Variants in EXT1 observed in about 807,000 individuals in gnomAD.
EXT1 encodes exostosin-1.
Under a neutral mutation model 82.5 loss-of-function variants are expected in EXT1, and 20 were observed. That is an observed-to-expected ratio of 0.24 (90% confidence interval 0.17 to 0.35). EXT1 has a LOEUF of 0.35. EXT1 is among the 10% of genes least tolerant of loss of function. EXT1 has a pLI of 1.00. For missense variants in EXT1, 757 were observed against 936.5 expected (o/e 0.81, Z 2.50); for synonymous variants, 348 against 350.8 (o/e 0.99, Z 0.09).
chr8:117,796,058 G>C lies in EXT1; in HGVS notation c.*3654C>G, dbSNP rs1002885711. 3.9e-5 allele frequency: 6 copies of C among 152,144 alleles called. No individual in the cohort carries two copies. Among genetic ancestry groups the C allele is most frequent in the African/African-American group, 1.4e-4 (6 of 41,432 alleles). 9.4% of individuals were successfully genotyped at this position (152,144 alleles called of 1,614,324 possible). A position where few individuals can be genotyped will look rare whatever the true frequency, so the allele number is the denominator to read the frequency against. On this transcript the variant is annotated 3_prime_UTR_variant, in exon 11 of 11. Coordinates refer to ENST00000378204, the MANE Select transcript of EXT1 (RefSeq NM_000127.3). ...CCATAGTCGCTGTAAAGGGGAACTA[G>C]GTAAATGAATTCAGCAACTGCGGTC...
chr8:118,065,523 G>A (rs915847068), intron 1 of EXT1, among the ~76,000 whole-genome samples: 5 of 152,240 alleles, frequency 3.3e-5, no homozygotes, highest in East Asian at 1.9e-4. Context: ...CTTCTTTTTC[G>A]TCTGGTTGCA....
intron 1 of EXT1, among the ~76,000 whole-genome samples, chr8:117,873,898 A>G (rs957814447): frequency 1.3e-5 from 2 of 152,272 alleles, no homozygotes; most frequent in Admixed American, 1.3e-4. Flanking sequence ...TTTGTTTAAA[A>G]TGCCAACAAA....
At chr8:117,859,712 A>G (rs1029138494) in intron 1 of EXT1, among the ~76,000 whole-genome samples, 1 of 152,244 alleles carries the variant, frequency 6.6e-6, no homozygotes, top group African/African-American at 2.4e-5. Flanking sequence ...TTTACTGAAC[A>G]TATATTTTGA....
At chr8:117,899,635 A>G (rs991018198) in intron 1 of EXT1, among the ~76,000 whole-genome samples, 2 of 152,240 alleles carry the variant, frequency 1.3e-5, no homozygotes, top group Admixed American at 6.5e-5. Flanking sequence ...CAACAGCTAC[A>G]TAAATCTATT....
rs1236776290 is a variant in EXT1 at position 117,807,237 on chromosome 8, T to C, written c.1863A>G (p.Thr621=). 6.2e-7 allele frequency: 1 copy of C among 1,614,098 alleles called. No individual in the cohort carries two copies. Among genetic ancestry groups the C allele is most frequent in the Non-Finnish European group, 8.5e-7 (1 of 1,180,032 alleles). The change falls in exon 9 of 11, where the codon ACA becomes ACG. Residue 621 remains threonine (T), a synonymous_variant. Coordinates refer to ENST00000378204, the MANE Select transcript of EXT1 (RefSeq NM_000127.3). ...KWTNDYSMVL[T]GAAIYHKYYH... is the part of the protein sequence containing the mutation. ...CTCACTTGTGGTAAATAGCAGCTCC[T>C]GTCAACACCATGGAGTAGTCGTTCG...
At chr8:117,976,267 C>T (rs1004685554) in intron 1 of EXT1, among the ~76,000 whole-genome samples, 26 of 152,176 alleles carry the variant, frequency 1.7e-4, no homozygotes, top group African/African-American at 5.6e-4. Flanking sequence ...TCCTTTGAGG[C>T]TATATAGCCA....
intron 1 of EXT1, among the ~76,000 whole-genome samples, chr8:117,893,417 T>C (rs1347150438): frequency 6.6e-6 from 1 of 152,162 alleles, no homozygotes; most frequent in Non-Finnish European, 1.5e-5. Flanking sequence ...GATAAACCTG[T>C]TCCATGCCAA....
intron 1 of EXT1, among the ~76,000 whole-genome samples, chr8:117,970,279 T>C (rs1003401201): frequency 6.6e-6 from 1 of 152,058 alleles, no homozygotes; most frequent in Admixed American, 6.5e-5. Flanking sequence ...ACCTAATTGG[T>C]TTGAGGCAGG....
intron 1 of EXT1, among the ~76,000 whole-genome samples, chr8:117,928,325 C>G (rs907690602): frequency 2.7e-4 from 41 of 152,174 alleles, no homozygotes; most frequent in African/African-American, 9.7e-4. Flanking sequence ...AGCCTATTAC[C>G]TTAAGTAGGC....
At chr8:117,924,929 C>G (rs561318473) in intron 1 of EXT1, among the ~76,000 whole-genome samples, 1 of 152,266 alleles carries the variant, frequency 6.6e-6, no homozygotes, top group South Asian at 2.1e-4. Context: ...GCCCCAAACC[C>G]TGCAACCTAT....
intron 1 of EXT1, among the ~76,000 whole-genome samples, chr8:118,005,931 C>G (rs1047846118): frequency 6.6e-6 from 1 of 152,202 alleles, no homozygotes. Context: ...ATCAAAGCAG[C>G]CATCTCTACT....
intron 4 of EXT1, among the ~76,000 whole-genome samples, chr8:117,828,401 T>C (rs935437171): frequency 2.0e-5 from 3 of 151,942 alleles, no homozygotes; most frequent in Middle Eastern, 3.4e-3. Flanking sequence ...AATGAAAAAT[T>C]AGCCAGGCAC....
At chr8:117,811,676 G>A (rs911275782) in intron 8 of EXT1, among the ~76,000 whole-genome samples, 1 of 151,536 alleles carries the variant, frequency 6.6e-6, no homozygotes, top group African/African-American at 2.4e-5. Context: ...GAGTGCAATG[G>A]TACGATGTCC....
intron 1 of EXT1, among the ~76,000 whole-genome samples, chr8:117,927,965 T>A (rs1813982974): frequency 6.6e-6 from 1 of 152,224 alleles, no homozygotes; most frequent in Non-Finnish European, 1.5e-5. Context: ...GCTCCCATGG[T>A]TAAATGAGAA....
At chr8:118,026,608 G>C (rs1336826575) in intron 1 of EXT1, among the ~76,000 whole-genome samples, 1 of 152,092 alleles carries the variant, frequency 6.6e-6, no homozygotes, top group Non-Finnish European at 1.5e-5. Context: ...ATCTCTTGAA[G>C]AGTAGTACTA....
At chr8:118,011,467 A>G (rs1467572964) in intron 1 of EXT1, among the ~76,000 whole-genome samples, 3 of 152,238 alleles carry the variant, frequency 2.0e-5, no homozygotes, top group Non-Finnish European at 4.4e-5. Context: ...ATATTAGGGT[A>G]TGAAGAGGGG....
intron 1 of EXT1, among the ~76,000 whole-genome samples, chr8:118,011,035 T>C (rs917566462): frequency 1.3e-5 from 2 of 152,170 alleles, no homozygotes; most frequent in African/African-American, 4.8e-5. Flanking sequence ...GATGTGCACA[T>C]GAAAACCTGT....
intron 1 of EXT1, among the ~76,000 whole-genome samples, chr8:117,922,373 T>C (rs1314944027): frequency 6.6e-6 from 1 of 152,136 alleles, no homozygotes; most frequent in Non-Finnish European, 1.5e-5. Flanking sequence ...GTTGACAATG[T>C]GGTGAGAAAC....
chr8:118,036,889 C>A (rs1426773220), intron 1 of EXT1, among the ~76,000 whole-genome samples: 1 of 152,108 alleles, frequency 6.6e-6, no homozygotes. Context: ...TGAACTTTAT[C>A]TTATTCTCTT....
Sources: allele counts gnomAD v4.1 joint callset (sites outside exome capture counted in the v4.1 genomes callset), GRCh38; gene constraint gnomAD v4.1.1; transcripts MANE v1.5; gene names NCBI Gene and HGNC (gene_info 2026-07-23, HGNC 2026-07-21).